The following ASZ1 variants were observed in gnomAD, a reference collection of about 807,000 sequenced individuals.
The protein encoded by ASZ1 is ankyrin repeat, SAM and basic leucine zipper domain-containing protein 1.
ASZ1 carries 67 observed loss-of-function variants against 61.8 expected under a neutral mutation model. That is an observed-to-expected ratio of 1.08 (90% CI 0.89 to 1.33). The LOEUF is 1.33. Ranked by LOEUF, ASZ1 falls within the 40% of genes most tolerant of loss-of-function variation. ASZ1 has a pLI of 0.00. For missense variants in ASZ1, 577 were observed against 554.5 expected (o/e 1.04, Z -0.41); for synonymous variants, 193 against 192.7 (o/e 1.00, Z -0.01).
chr7:117,420,264 A>C lies in ASZ1; in HGVS notation c.339T>G (p.Ser113Arg), dbSNP rs372423125. 1.2e-6 allele frequency: 2 copies of C among 1,611,672 alleles called. No individual in the cohort carries two copies. The highest frequency in any genetic ancestry group is 1.7e-6 in the Non-Finnish European group (2 of 1,179,282). The change falls in exon 4 of 13, where the codon AGT becomes AGG. Residue 113 changes from serine (S) to arginine (R), a missense_variant. Physicochemically the swap from Ser to Arg is moderately radical, Grantham distance 110. Coordinates refer to ENST00000284629, the MANE Select transcript of ASZ1 (RefSeq NM_130768.3). The stretch of plus-strand genomic sequence containing the variant: ...GAGCAGAACATGCAGTTATCAAAAT[A>C]CTTTGCTTATCTATAGTGAATAGAA... Reference protein sequence around the residue: ...ANASFEKDKQSILITACSAHG... With the variant: ...ANASFEKDKQRILITACSAHG...
At chr7:117,402,215 T>G (rs536666704) in intron 4 of ASZ1, among the ~76,000 whole-genome samples, 4 of 152,204 alleles carry the variant, frequency 2.6e-5, no homozygotes, top group Non-Finnish European at 4.4e-5. Context: ...CAAATGGAAC[T>G]CTGCACTTAA....
chr7:117,399,591 C>T (rs1336619846), intron 4 of ASZ1, among the ~76,000 whole-genome samples: 2 of 151,758 alleles, frequency 1.3e-5, no homozygotes, highest in African/African-American at 4.8e-5. Flanking sequence ...ATCTACCAGG[C>T]TTCCTCAAAA....
At chr7:117,413,253 C>G (rs1584740553) in intron 4 of ASZ1, among the ~76,000 whole-genome samples, 1 of 151,886 alleles carries the variant, frequency 6.6e-6, no homozygotes, top group East Asian at 1.9e-4. Flanking sequence ...TCAGATTAAA[C>G]TGTTGTAAAT....
intron 4 of ASZ1, among the ~76,000 whole-genome samples, chr7:117,396,334 G>A (rs529732721): frequency 6.6e-6 from 1 of 152,124 alleles, no homozygotes; most frequent in African/African-American, 2.4e-5. Flanking sequence ...AACTAAAAGT[G>A]CTTACAACAA....
intron 4 of ASZ1, among the ~76,000 whole-genome samples, chr7:117,390,178 G>GTTTTT (rs200159371): frequency 1.2e-4 from 13 of 104,256 alleles, no homozygotes; most frequent in African/African-American, 9.1e-4. Flanking sequence ...TAACAGTGGG[G>GTTTTT]GTTTTTTTTT....
At chr7:117,410,345 A>G (rs990919028) in intron 4 of ASZ1, among the ~76,000 whole-genome samples, 3 of 151,790 alleles carry the variant, frequency 2.0e-5, no homozygotes, top group Admixed American at 6.6e-5. Context: ...TTATAGTAAC[A>G]GGACTTGGGA....
chr7:117,419,159 A>G (rs1797053655), intron 4 of ASZ1, among the ~76,000 whole-genome samples: 1 of 152,170 alleles, frequency 6.6e-6, no homozygotes, highest in South Asian at 2.1e-4. Context: ...GTTCAGCAGC[A>G]TCCCTGGCTT....
chr7:117,407,584 G>A (rs1486617913), intron 4 of ASZ1, among the ~76,000 whole-genome samples: 1 of 152,102 alleles, frequency 6.6e-6, no homozygotes, highest in Non-Finnish European at 1.5e-5. Flanking sequence ...AGCAGTAAGA[G>A]ATAACAGGAA....
At chr7:117,422,567 T>C (rs1008259619) in intron 2 of ASZ1, among the ~76,000 whole-genome samples, 4 of 152,252 alleles carry the variant, frequency 2.6e-5, no homozygotes, top group South Asian at 2.1e-4. Flanking sequence ...ACAGGCACTA[T>C]GTTCCGAGAC....
At chr7:117,421,585 G>T (rs1215331570) in intron 3 of ASZ1, among the ~76,000 whole-genome samples, 1 of 151,960 alleles carries the variant, frequency 6.6e-6, no homozygotes, top group Non-Finnish European at 1.5e-5. Context: ...ACATGAAACT[G>T]TTGCTAAGAC....
chr7:117,397,515 T>C (rs1322512400), intron 4 of ASZ1, among the ~76,000 whole-genome samples: 2 of 152,362 alleles, frequency 1.3e-5, no homozygotes, highest in East Asian at 3.9e-4. Context: ...TCACTATGTA[T>C]GTCCTCTCAA....
intron 5 of ASZ1, 35 bp from the exon 6 acceptor site, chr7:117,384,895 G>A (rs1796320014): frequency 6.5e-7 from 1 of 1,530,342 alleles, no homozygotes; most frequent in East Asian, 2.4e-5. Flanking sequence ...TGTTTAAAGA[G>A]AAGGAGTGTA....
chr7:117,397,241 G>GAACCA (rs1257344540), intron 4 of ASZ1, among the ~76,000 whole-genome samples: 149 of 151,728 alleles, frequency 9.8e-4, no homozygotes, highest in Non-Finnish European at 1.7e-3. Context: ...GAACCGAACC[G>GAACCA]AACCAAACCA....
chr7:117,379,518 C>T (rs907442946), intron 10 of ASZ1, among the ~76,000 whole-genome samples: 1 of 151,664 alleles, frequency 6.6e-6, no homozygotes, highest in African/African-American at 2.4e-5. Context: ...CATAATTTCT[C>T]ATACAGTAAG....
intron 3 of ASZ1, among the ~76,000 whole-genome samples, chr7:117,421,450 A>C (rs1274966984): frequency 6.6e-6 from 1 of 152,156 alleles, no homozygotes; most frequent in Non-Finnish European, 1.5e-5. Flanking sequence ...CCTGGGCTCA[A>C]GTGATCCTCC....
At position 117,415,578 on chromosome 7, in the gene ASZ1, T is replaced by A. The variant is rs191957861; in HGVS notation, c.440+4585A>T. ...TGTTAGTCTCTTACTATGCCTAACTTATAAATTATCACATATATGTAGGCA... is the reference window on the plus strand; with the variant it reads ...TGTTAGTCTCTTACTATGCCTAACTAATAAATTATCACATATATGTAGGCA... On this transcript the variant is annotated intron_variant, in intron 4 of 12. Coordinates refer to ENST00000284629, the MANE Select transcript of ASZ1 (RefSeq NM_130768.3). 4.1e-4 allele frequency among the ~76,000 whole-genome samples: 62 copies of A among 152,314 alleles called. 1 individual carries two copies. Among genetic ancestry groups the A allele is most frequent in the African/African-American group, 1.3e-3 (55 of 41,570 alleles).
intron 7 of ASZ1, 96 bp downstream of exon 7, chr7:117,382,890 A>G: frequency 8.0e-7 from 1 of 1,249,356 alleles, no homozygotes; most frequent in Non-Finnish European, 1.0e-6. Context: ...CATTTAAAAT[A>G]TCATATATTT....
intron 4 of ASZ1, among the ~76,000 whole-genome samples, chr7:117,415,442 G>A (rs186269041): frequency 3.9e-4 from 60 of 151,994 alleles, no homozygotes; most frequent in Non-Finnish European, 6.5e-4. Context: ...GATCATTTCA[G>A]GTCACCAAGA....
At position 117,383,080 on chromosome 7, in the gene ASZ1, G is replaced by T. The variant is rs200753040; in HGVS notation, c.718C>A (p.Pro240Thr). The T allele has an allele frequency of 3.2e-6, 5 of 1,569,396 alleles. No homozygotes were observed. The highest frequency in any genetic ancestry group is 4.3e-6 in the Non-Finnish European group (5 of 1,161,026). The stretch of plus-strand genomic sequence containing the variant: ...AGCTGTTGAAGTTTTCCTTCCAATG[G>T]ATTTAAAGTAAAAGAAAGTAAGTTG... ...IFNLLSFTLN[P>T]LEGKLQQLTK... Residue 240 changes from proline to threonine, a missense_variant, in exon 7 of 13, where the codon CCA (proline) becomes ACA (threonine). Coordinates refer to ENST00000284629, the MANE Select transcript of ASZ1 (RefSeq NM_130768.3).
Sources: allele counts gnomAD v4.1 joint callset (sites outside exome capture counted in the v4.1 genomes callset), GRCh38; gene constraint gnomAD v4.1.1; transcripts MANE v1.5; gene names NCBI Gene and HGNC (gene_info 2026-07-23, HGNC 2026-07-21).